The following BOD1L1 variants were observed in gnomAD, a reference collection of about 807,000 sequenced individuals.
BOD1L1 encodes the protein biorientation of chromosomes in cell division 1 like 1.
BOD1L1 carries 86 observed loss-of-function variants against 240.7 expected under a neutral mutation model. That is an observed-to-expected ratio of 0.36 (90% CI 0.30 to 0.43). The LOEUF (loss-of-function observed/expected upper bound fraction) is 0.43, where lower values mean the gene tolerates loss of function less well. BOD1L1 is among the 20% of genes least tolerant of loss of function. The pLI is 1.00. For synonymous variants in BOD1L1, 1,268 were observed against 1,272.3 expected (o/e 1.00, Z 0.07); for missense variants, 3,554 against 3,643.5 (o/e 0.98, Z 0.63).
intron 12 of BOD1L1, among the ~76,000 whole-genome samples, chr4:13,594,124 G>T (rs573752914): frequency 6.6e-6 from 1 of 152,134 alleles, no homozygotes; most frequent in Non-Finnish European, 1.5e-5. Flanking sequence ...CATCCTCTTG[G>T]ATTATGCTTT....
chr4:13,591,645 T>C (rs1004409990), intron 13 of BOD1L1, among the ~76,000 whole-genome samples: 6 of 152,218 alleles, frequency 3.9e-5, no homozygotes, highest in Admixed American at 3.3e-4. Flanking sequence ...CCAGGATGAT[T>C]TAAGACATCA....
chr4:13,624,609 T>TG (rs1217259827), intron 1 of BOD1L1: 1 of 152,100 alleles, frequency 6.6e-6, no homozygotes, highest in Non-Finnish European at 1.5e-5. Flanking sequence ...TTACTAGAGA[T>TG]GGGGTTTCAC....
intron 25 of BOD1L1, among the ~76,000 whole-genome samples, chr4:13,571,103 A>C (rs1174864235): frequency 6.6e-6 from 1 of 152,214 alleles, no homozygotes; most frequent in African/African-American, 2.4e-5. Flanking sequence ...GTATTGCAAA[A>C]TATTCTTATA....
In BOD1L1 at chr4:13,569,184, A is replaced by ACAG. The variant is rs888477773; in HGVS notation, c.*824_*826dup. On this transcript the variant is annotated 3_prime_UTR_variant, in exon 26 of 26. Transcript: ENST00000040738. ...AAAGAGTATTGGTAGAAGCTTCAGA[A>ACAG]CAGCACAGAAGAGGAATGAACACAG... The ACAG allele has an allele frequency of 1.1e-4, 17 of 152,232 alleles. No homozygotes were observed. Among genetic ancestry groups the ACAG allele is most frequent in the African/African-American group, 3.9e-4 (16 of 41,456 alleles). 9.4% of individuals were successfully genotyped at this position (152,232 alleles called of 1,614,324 possible).
At chr4:13,598,386 G>T (rs1714788450) in intron 10 of BOD1L1, among the ~76,000 whole-genome samples, 1 of 152,104 alleles carries the variant, frequency 6.6e-6, no homozygotes, top group Admixed American at 6.5e-5. Context: ...ATCAGATGAG[G>T]GTTGGAATCG....
Position 13,619,310 on chromosome 4 carries a change from A to AAG in BOD1L1, c.368+632_368+633insCT, listed in dbSNP as rs923747744. Among the ~76,000 whole-genome samples the AAG allele has an allele frequency of 3.3e-4, 50 of 151,174 alleles. 1 individual carries two copies. The East Asian group carries it at 5.0e-3, about 15-fold the overall frequency. On this transcript the variant is annotated intron_variant, in intron 2 of 25. Coordinates refer to ENST00000040738, the MANE Select transcript of BOD1L1 (RefSeq NM_148894.3). ...GGGAACAGAATGAGACTCTTTAAAA[A>AAG]AAAAAAAAAAAAAAGTAGAAGACCG...
chr4:13,599,599 T>C lies in BOD1L1; in HGVS notation c.7301A>G (p.His2434Arg), dbSNP rs374149286. ...TCCTATTTCGGGGCACTCCTTGCCA[T>C]GCTTCTCTTCTTTTTCCGCACAAAC... is the stretch of plus-strand genomic sequence containing the variant. ...SAVCAEKEEK[H>R]GKECPEIGPF... The change falls in exon 10 of 26, where the codon CAT becomes CGT. Residue 2434 changes from histidine to arginine, a missense_variant. Around this residue, in one of 2 missense-constraint regions of BOD1L1, gnomAD observed 3,393 missense variants for 3,427.1 expected, o/e 0.99. Transcript: ENST00000040738. 3.1e-6 allele frequency: 5 copies of C among 1,614,058 alleles called. No homozygotes were observed. The highest frequency in any genetic ancestry group is 1.3e-5 in the African/African-American group (1 of 75,064).
At chr4:13,587,833 G>A (rs1436368909) in intron 15 of BOD1L1, 62 bp from the exon 16 acceptor site, 4 of 1,110,128 alleles carry the variant, frequency 3.6e-6, no homozygotes, top group South Asian at 2.7e-5. Context: ...ACTGAAAGAG[G>A]AGCACACTGT....
rs778805221 is a variant in BOD1L1 at position 13,577,611 on chromosome 4, C to T, written c.8770G>A (p.Ala2924Thr). 5 of 1,560,930 alleles carry T rather than the reference C, an allele frequency of 3.2e-6. No homozygotes were observed. The South Asian group carries it at 5.8e-5, about 18-fold the overall frequency. Residue 2924 changes from alanine (A) to threonine (T), a missense_variant, in exon 23 of 26, where the codon GCT (alanine) becomes ACT (threonine). By Grantham distance (58) the Ala-to-Thr change is moderately conservative (BLOSUM62 0). Transcript: ENST00000040738. ...MQTDESNKET[A>T]NLQERSISND... ...CTTATACTTCTTTCTTGTAGGTTAG[C>T]TGTTTCTTTATTGGATTCATCTTTA...
chr4:13,605,193 T>C, intron 9 of BOD1L1, 109 bp from the exon 10 acceptor site: 1 of 921,908 alleles, frequency 1.1e-6, no homozygotes, highest in Non-Finnish European at 1.5e-6. Flanking sequence ...ATATGTAACA[T>C]CTCACTTAAT....
chr4:13,615,249 C>T, intron 3 of BOD1L1, 63 bp downstream of exon 3: 2 of 1,440,746 alleles, frequency 1.4e-6, no homozygotes, highest in Non-Finnish European at 1.9e-6. Context: ...CCAAGTATCC[C>T]TAACTTGATA....
At position 13,600,982 on chromosome 4, in the gene BOD1L1, C is replaced by A. The variant is rs1441203738; in HGVS notation, c.5918G>T (p.Gly1973Val). 6.2e-7 allele frequency: 1 copy of A among 1,614,018 alleles called. No individual in the cohort carries two copies. Among genetic ancestry groups the A allele is most frequent in the Admixed American group, 1.7e-5 (1 of 60,018 alleles). ...SGKDEVTPVP[G>V]GCEGPMTSAA... is the part of the protein sequence containing the mutation. Reference sequence around the variant, plus strand: ...ACTAGTCATAGGACCCTCACAACCTCCTGGAACTGGTGTCACTTCATCCTT... The same window carrying A: ...ACTAGTCATAGGACCCTCACAACCTACTGGAACTGGTGTCACTTCATCCTT... The change falls in exon 10 of 26, where the codon GGA (glycine) becomes GTA (valine). Residue 1973 changes from glycine to valine, a missense_variant. Coordinates refer to ENST00000040738, the MANE Select transcript of BOD1L1 (RefSeq NM_148894.3).
intron 17 of BOD1L1, among the ~76,000 whole-genome samples, chr4:13,584,074 CA>C (rs2108898690): frequency 6.6e-6 from 1 of 152,286 alleles, no homozygotes; most frequent in South Asian, 2.1e-4. Flanking sequence ...CCAGGGCCAA[CA>C]ATCTATACAG....
chr4:13,568,992 C>T lies in BOD1L1; in HGVS notation c.*1019G>A, dbSNP rs529376868. On this transcript the variant is annotated 3_prime_UTR_variant, in exon 26 of 26. Transcript: ENST00000040738. ...AATCTTATGAAAAACTGAAGTTGGA[C>T]AGTTTGCTCATATGAGAGTTAAAAC... 6.6e-6 allele frequency: 1 copy of T among 152,220 alleles called. No individual in the cohort carries two copies. Among genetic ancestry groups the T allele is most frequent in the African/African-American group, 2.4e-5 (1 of 41,544 alleles). 9.4% of individuals were successfully genotyped at this position (152,220 alleles called of 1,614,324 possible).
chr4:13,607,034 T>C (rs1170433630), intron 9 of BOD1L1, 83 bp downstream of exon 9: 8 of 947,656 alleles, frequency 8.4e-6, no homozygotes, highest in Non-Finnish European at 1.2e-5. Flanking sequence ...AAAGTCAAAT[T>C]ACATTCTAAG....
At position 13,604,851 on chromosome 4, in the gene BOD1L1, T is replaced by C; in HGVS notation, c.2049A>G (p.Ser683=). The change falls in exon 10 of 26, where the codon TCA becomes TCG. Residue 683 remains serine (S), a synonymous_variant. Transcript: ENST00000040738. The stretch of plus-strand genomic sequence containing the variant: ...TCTGGGGCTCTTCGGTGCAAATTTC[T>C]GAGCGTTCTACTTGCCTTTTTACAT... ...TRDVKRQVER[S]EICTEEPQKQ... The C allele has an allele frequency of 6.2e-7, 1 of 1,612,028 alleles. No individual in the cohort carries two copies. Among genetic ancestry groups the C allele is most frequent in the Non-Finnish European group, 8.5e-7 (1 of 1,179,470 alleles).
chr4:13,606,837 CT>C (rs1026984649), intron 9 of BOD1L1, among the ~76,000 whole-genome samples: 2 of 152,036 alleles, frequency 1.3e-5, no homozygotes, highest in Non-Finnish European at 2.9e-5. Context: ...CTCCCTTTTT[CT>C]TTTTTTGTCA....
chr4:13,614,195 C>T lies in BOD1L1; in HGVS notation c.1174+1G>A. 1 of 1,489,058 alleles carries T rather than the reference C, an allele frequency of 6.7e-7. No homozygotes were observed. The highest frequency in any genetic ancestry group is 8.9e-7 in the Non-Finnish European group (1 of 1,123,786). 92.2% of individuals were successfully genotyped at this position (1,489,058 alleles called of 1,614,324 possible). Reference sequence around the variant, plus strand: ...GTAGATGTTTGCAAGTTTTTATATACCTTCTTTTGTCCCTTCAACAGTTTT... The same window carrying T: ...GTAGATGTTTGCAAGTTTTTATATATCTTCTTTTGTCCCTTCAACAGTTTT... On this transcript the variant is annotated splice_donor_variant, in intron 4 of 25. Coordinates refer to ENST00000040738, the MANE Select transcript of BOD1L1 (RefSeq NM_148894.3). LOFTEE classifies it high-confidence loss of function.
At position 13,586,420 on chromosome 4, in the gene BOD1L1, A is replaced by G. The variant is rs745670259; in HGVS notation, c.8409T>C (p.Pro2803=). ...SRIETAQRQC[P]ETEPHDTKEE... ...CCTTTGTGTCATGTGGCTCCGTTTC[A>G]GGACACTGCCTTTGTGCTGTTTCTA... Residue 2803 remains proline, a synonymous_variant, in exon 17 of 26, where the codon CCT becomes CCC. Transcript: ENST00000040738. The G allele has an allele frequency of 9.3e-6, 15 of 1,612,388 alleles. No individual in the cohort carries two copies. Among genetic ancestry groups the G allele is most frequent in the Admixed American group, 1.7e-5 (1 of 59,886 alleles).
Sources: allele counts gnomAD v4.1 joint callset (sites outside exome capture counted in the v4.1 genomes callset), GRCh38; gene constraint gnomAD v4.1.1; regional missense constraint gnomAD v4.1.1; transcripts MANE v1.5; gene names NCBI Gene and HGNC (gene_info 2026-07-23, HGNC 2026-07-21).